DSCAM: variants seen among roughly 807,000 people sequenced by gnomAD.
DSCAM encodes DS cell adhesion molecule, also known as cell adhesion molecule DSCAM.
DSCAM carries 47 observed loss-of-function variants against 217.7 expected under a neutral mutation model. The observed-to-expected ratio is 0.22, with a 90% CI of 0.17 to 0.28. The LOEUF is 0.28. Ranked by LOEUF, DSCAM falls within the 10% of genes least tolerant of loss-of-function variation. DSCAM has a pLI of 1.00. For missense variants in DSCAM, 2,080 were observed against 2,618.3 expected (o/e 0.79, Z 4.49); for synonymous variants, 1,056 against 1,015.3 (o/e 1.04, Z -0.76).
intron 1 of DSCAM, among the ~76,000 whole-genome samples, chr21:40,823,958 A>T (rs1206174567): frequency 6.6e-6 from 1 of 151,636 alleles, no homozygotes. Flanking sequence ...GAGTCTCAAA[A>T]GAAAAAAAAA....
intron 2 of DSCAM, among the ~76,000 whole-genome samples, chr21:40,702,255 C>T (rs1230044678): frequency 1.3e-5 from 2 of 152,066 alleles, no homozygotes; most frequent in African/African-American, 4.8e-5. Context: ...GTGATACCTG[C>T]CATTATGCAT....
chr21:40,643,496 C>A (rs1471784198), intron 3 of DSCAM, among the ~76,000 whole-genome samples: 1 of 152,196 alleles, frequency 6.6e-6, no homozygotes, highest in East Asian at 1.9e-4. Flanking sequence ...CTCCACAGGT[C>A]ACCCACCAAT....
At position 40,132,318 on chromosome 21, in the gene DSCAM, G is replaced by T. The variant is rs149781638; in HGVS notation, c.3562+1536C>A. On this transcript the variant is annotated intron_variant, in intron 19 of 32. Transcript: ENST00000400454. ...CAGTTCAGAGACACTTAGGTAAGGT[G>T]CCCAAAGACCCACGGGCAGCAGGTG... Among the ~76,000 whole-genome samples the T allele has an allele frequency of 9.2e-3, 1,404 of 152,286 alleles. 5 individuals are homozygous for T. Among genetic ancestry groups the T allele is most frequent in the Non-Finnish European group, 0.015 (1,051 of 68,034 alleles).
chr21:40,096,609 A>T (rs935250123), intron 20 of DSCAM, among the ~76,000 whole-genome samples: 1 of 152,174 alleles, frequency 6.6e-6, no homozygotes, highest in African/African-American at 2.4e-5. Context: ...GACCAAAAAA[A>T]GGTTGTAAAA....
rs78859152 is a variant in DSCAM at position 40,491,586 on chromosome 21, C to G, written c.509-122341G>C. ...AAGGGTATTCCAAGGGCTGCAATAC[C>G]CCAGGTAACCTGTCTCCCATTTCCT... On this transcript the variant is annotated intron_variant, in intron 3 of 32. Coordinates refer to ENST00000400454, the MANE Select transcript of DSCAM (RefSeq NM_001389.5). Among the ~76,000 whole-genome samples the G allele has an allele frequency of 2.1e-3, 322 of 152,112 alleles. 7 individuals carry two copies. The East Asian group carries it at 0.049, about 23-fold the overall frequency.
At chr21:40,578,463 GTAAAACGGACCAATCAGCA>G (rs1362753915) in intron 3 of DSCAM, among the ~76,000 whole-genome samples, 43 of 151,814 alleles carry the variant, frequency 2.8e-4, no homozygotes, top group Admixed American at 7.2e-4. Flanking sequence ...TCAGCACTCT[GTAAAACGGACCAATCAGCA>G]CTCTGTAAAA....
At chr21:40,702,039 G>A (rs564245309) in intron 2 of DSCAM, among the ~76,000 whole-genome samples, 1 of 152,160 alleles carries the variant, frequency 6.6e-6, no homozygotes, top group African/African-American at 2.4e-5. Context: ...GAAATCTCCG[G>A]CTATAATTTT....
chr21:40,056,747 C>G (rs2837401), intron 28 of DSCAM, among the ~76,000 whole-genome samples: 66,039 of 152,070 alleles, frequency 0.43, 14,771 homozygotes, highest in East Asian at 0.52. Context: ...TGGCATCCAT[C>G]AATCCAGCTC....
chr21:40,366,488 TTCA>T (rs2074834035), intron 4 of DSCAM, among the ~76,000 whole-genome samples: 1 of 152,190 alleles, frequency 6.6e-6, no homozygotes, highest in South Asian at 2.1e-4. Flanking sequence ...TTTGTGTTGT[TTCA>T]TCATTTTATT....
intron 4 of DSCAM, among the ~76,000 whole-genome samples, chr21:40,354,024 C>T (rs898662368): frequency 1.3e-5 from 2 of 152,196 alleles, no homozygotes; most frequent in Non-Finnish European, 2.9e-5. Flanking sequence ...CAAGAGCTGT[C>T]AGCTCAGGCC....
intron 1 of DSCAM, among the ~76,000 whole-genome samples, chr21:40,756,948 CTGTA>C (rs1297647830): frequency 6.6e-6 from 1 of 151,264 alleles, no homozygotes; most frequent in Non-Finnish European, 1.5e-5. Context: ...ACAATTCAGC[CTGTA>C]AGAAAGATTG....
intron 28 of DSCAM, among the ~76,000 whole-genome samples, chr21:40,062,603 C>T (rs2089139966): frequency 6.6e-6 from 1 of 152,184 alleles, no homozygotes; most frequent in African/African-American, 2.4e-5. Flanking sequence ...GCTTCTGTTC[C>T]CAGGCTAATG....
chr21:40,412,732 C>G (rs948420867), intron 3 of DSCAM, among the ~76,000 whole-genome samples: 1 of 152,210 alleles, frequency 6.6e-6, no homozygotes, highest in African/African-American at 2.4e-5. Flanking sequence ...AAAATATATT[C>G]TGAGGAAAAA....
At chr21:40,466,644 G>C (rs544555254) in intron 3 of DSCAM, among the ~76,000 whole-genome samples, 3 of 152,250 alleles carry the variant, frequency 2.0e-5, no homozygotes, top group South Asian at 2.1e-4. Context: ...TCCAGGTAAG[G>C]AATGTGATCC....
At chr21:40,381,509 A>G (rs917895499) in intron 3 of DSCAM, among the ~76,000 whole-genome samples, 1 of 152,242 alleles carries the variant, frequency 6.6e-6, no homozygotes, top group Non-Finnish European at 1.5e-5. Context: ...AAAGGAAAAA[A>G]TAAGTGAAGG....
chr21:40,574,079 C>T (rs1439654459), intron 3 of DSCAM, among the ~76,000 whole-genome samples: 1 of 144,278 alleles, frequency 6.9e-6, no homozygotes, highest in African/African-American at 2.5e-5. Flanking sequence ...ATTACCAATC[C>T]TTCACAATTT....
At chr21:40,556,450 G>A (rs2076672526) in intron 3 of DSCAM, among the ~76,000 whole-genome samples, 1 of 152,182 alleles carries the variant, frequency 6.6e-6, no homozygotes, top group South Asian at 2.1e-4. Context: ...ACTACTATAT[G>A]TCTTAGTCTA....
intron 11 of DSCAM, among the ~76,000 whole-genome samples, chr21:40,264,142 C>T (rs1211896864): frequency 6.6e-6 from 1 of 152,032 alleles, no homozygotes; most frequent in African/African-American, 2.4e-5. Context: ...GAATTGGTAC[C>T]AATCCTTCTG....
chr21:40,192,712 A>C (rs764579869), intron 11 of DSCAM, among the ~76,000 whole-genome samples: 1 of 152,182 alleles, frequency 6.6e-6, no homozygotes, highest in African/African-American at 2.4e-5. Context: ...TTCACTAAGC[A>C]TAATGTTGTC....
Sources: gnomAD v4.1 joint callset for allele counts (sites outside exome capture counted in the v4.1 genomes callset) on GRCh38, gnomAD v4.1.1 for gene constraint, MANE v1.5 for transcripts, NCBI Gene and HGNC (gene_info 2026-07-23, HGNC 2026-07-21) for gene names.